GSG1L: variants seen among roughly 807,000 people sequenced by gnomAD.
GSG1L encodes the protein germ cell-specific gene 1-like protein.
In GSG1L, 24 loss-of-function variants were observed where a neutral mutation model predicts 42.1. That is an observed-to-expected ratio of 0.57 (90% CI 0.41 to 0.80). The LOEUF (loss-of-function observed/expected upper bound fraction) is 0.80. Ranked by LOEUF, GSG1L falls within the 30% of genes least tolerant of loss-of-function variation. GSG1L has a pLI of 0.00. For synonymous variants in GSG1L, 215 were observed against 203.5 expected (o/e 1.06, Z -0.48); for missense variants, 445 against 472.2 (o/e 0.94, Z 0.53).
intron 2 of GSG1L, among the ~76,000 whole-genome samples, chr16:27,895,846 G>A (rs118016237): frequency 0.019 from 2,901 of 152,298 alleles, 31 homozygotes; most frequent in Middle Eastern, 0.031. Context: ...TGGGCAAAAA[G>A]GTAGGGCAAC....
At chr16:27,965,045 G>C (rs879714288) in intron 1 of GSG1L, among the ~76,000 whole-genome samples, 2 of 152,082 alleles carry the variant, frequency 1.3e-5, no homozygotes, top group Admixed American at 1.3e-4. Context: ...TTGAGACAAA[G>C]TCTCACTCTG....
Position 27,831,995 on chromosome 16 carries a change from T to C in GSG1L, c.663-3039A>G, listed in dbSNP as rs572391432. ...CAGCTGGTCCCTTCTCACCTGTGAA[T>C]GTCACCCCTTCCTCAGTGGGCATTT... On this transcript the variant is annotated intron_variant, in intron 4 of 6. Coordinates refer to ENST00000447459, the MANE Select transcript of GSG1L (RefSeq NM_001109763.2). Among the ~76,000 whole-genome samples, 5 of 152,176 alleles carry C rather than the reference T, an allele frequency of 3.3e-5. No homozygotes were observed. In the South Asian group the frequency reaches 1.0e-3, roughly 32 times the overall value.
intron 2 of GSG1L, among the ~76,000 whole-genome samples, chr16:27,895,201 C>A (rs1567508922): frequency 6.6e-6 from 1 of 152,086 alleles, no homozygotes; most frequent in Non-Finnish European, 1.5e-5. Flanking sequence ...AAATAGGAGG[C>A]TTCACATTAA....
chr16:27,860,056 T>G (rs8058942), intron 3 of GSG1L, among the ~76,000 whole-genome samples: 1 of 152,094 alleles, frequency 6.6e-6, no homozygotes, highest in African/African-American at 2.4e-5. Flanking sequence ...GGCTCAGAGC[T>G]GGGTTTAGGA....
intron 5 of GSG1L, among the ~76,000 whole-genome samples, chr16:27,817,345 T>A (rs1283313572): frequency 6.6e-6 from 1 of 152,182 alleles, no homozygotes; most frequent in African/African-American, 2.4e-5. Flanking sequence ...ATCTGTGCCA[T>A]CCTCAAGGCC....
chr16:27,884,628 C>G lies in GSG1L; in HGVS notation c.408G>C (p.Trp136Cys). ...ACAGCACCTCGGAGACCACAGACAG[C>G]CACAGGACCCCTGTCCAACAGAGGC... ...LAPASEKGVLWLSVVSEVLYI... is the reference protein window; with the variant it reads ...LAPASEKGVLCLSVVSEVLYI... Residue 136 changes from tryptophan (W) to cysteine (C), a missense_variant, in exon 3 of 7, where the codon TGG (tryptophan) becomes TGC (cysteine). By Grantham distance (215) the Trp-to-Cys change is radical. Transcript: ENST00000447459. This position sits in a 1 kb window ranked among gnomAD's most constrained non-coding sequence, Gnocchi z 4.4. 6.3e-7 allele frequency: 1 copy of G among 1,584,764 alleles called. No individual in the cohort carries two copies. The highest frequency in any genetic ancestry group is 8.6e-7 in the Non-Finnish European group (1 of 1,165,292).
At chr16:27,997,525 T>C (rs2085530324) in intron 1 of GSG1L, among the ~76,000 whole-genome samples, 1 of 151,844 alleles carries the variant, frequency 6.6e-6, no homozygotes, top group Non-Finnish European at 1.5e-5. Context: ...CCCATTTGGA[T>C]ACTCCAGGAT....
rs192779482 is a variant in GSG1L, at chr16:27,924,313, A to C, written c.397+38843T>G. ...TGTGTACTTCATATAATGTATATGCATACGTGTATGTATGTGTGTGTACAC... is the reference window on the plus strand; with the variant it reads ...TGTGTACTTCATATAATGTATATGCCTACGTGTATGTATGTGTGTGTACAC... On this transcript the variant is annotated intron_variant, in intron 2 of 6. Coordinates refer to ENST00000447459, the MANE Select transcript of GSG1L (RefSeq NM_001109763.2). Among the ~76,000 whole-genome samples the C allele has an allele frequency of 1.0e-4, 14 of 135,700 alleles. No homozygotes were observed. In the East Asian group the frequency reaches 3.0e-3, roughly 29 times the overall value. 89.0% of individuals were successfully genotyped at this position (135,700 alleles called of 152,430 possible). A position where few individuals can be genotyped will look rare whatever the true frequency, so the allele number is the denominator to read the frequency against.
chr16:27,941,538 G>T, intron 2 of GSG1L, among the ~76,000 whole-genome samples: 1 of 137,250 alleles, frequency 7.3e-6, no homozygotes, highest in Non-Finnish European at 1.5e-5. Flanking sequence ...TCGGCATGGT[G>T]GCAGGTGCCT....
intron 1 of GSG1L, among the ~76,000 whole-genome samples, chr16:28,051,339 T>C (rs143630278): frequency 1.2e-3 from 187 of 152,262 alleles, no homozygotes; most frequent in Admixed American, 4.4e-3. Context: ...TGCCGGTGAC[T>C]AGGGGATGGT....
chr16:28,046,270 C>G (rs2086156687), intron 1 of GSG1L, among the ~76,000 whole-genome samples: 1 of 151,656 alleles, frequency 6.6e-6, no homozygotes, highest in African/African-American at 2.4e-5. Context: ...TACACATCCG[C>G]AGGCCGTTAG....
chr16:28,057,646 C>T (rs1179263571), intron 1 of GSG1L, among the ~76,000 whole-genome samples: 2 of 151,758 alleles, frequency 1.3e-5, no homozygotes, highest in African/African-American at 4.9e-5. Flanking sequence ...GCACGGGCCA[C>T]CTGTCTGCAG....
intron 1 of GSG1L, among the ~76,000 whole-genome samples, chr16:27,974,968 G>T (rs564094803): frequency 1.3e-5 from 2 of 152,228 alleles, no homozygotes; most frequent in East Asian, 3.9e-4. Flanking sequence ...GAAGGGGCAG[G>T]GGAGGGAAAG....
intron 2 of GSG1L, among the ~76,000 whole-genome samples, chr16:27,925,945 G>A (rs1231308837): frequency 6.6e-6 from 1 of 152,216 alleles, no homozygotes; most frequent in Non-Finnish European, 1.5e-5. Context: ...ATGCATTTAT[G>A]CCAACATCAG....
At chr16:27,893,830 G>A (rs868025570) in intron 2 of GSG1L, among the ~76,000 whole-genome samples, 2 of 152,130 alleles carry the variant, frequency 1.3e-5, no homozygotes, top group Non-Finnish European at 2.9e-5. Flanking sequence ...ATGACTCACT[G>A]CAGCCTTGAA....
chr16:28,004,053 G>A (rs527345836), intron 1 of GSG1L, among the ~76,000 whole-genome samples: 121 of 152,330 alleles, frequency 7.9e-4, no homozygotes, highest in African/African-American at 2.9e-3. Context: ...TGGGGCTGCT[G>A]GGCTGACGGC....
intron 2 of GSG1L, among the ~76,000 whole-genome samples, chr16:27,923,909 C>A (rs1445619975): frequency 4.6e-5 from 7 of 151,888 alleles, no homozygotes; most frequent in African/African-American, 1.7e-4. Context: ...AACTCTGGAC[C>A]CTGTGCTCAA....
chr16:27,953,248 C>T (rs541714436), intron 2 of GSG1L, among the ~76,000 whole-genome samples: 9 of 152,290 alleles, frequency 5.9e-5, no homozygotes, highest in African/African-American at 1.7e-4. Flanking sequence ...TGCCACCACA[C>T]TGGGCTAATT....
At chr16:27,851,641 C>T (rs59025495) in intron 3 of GSG1L, among the ~76,000 whole-genome samples, 12,344 of 152,176 alleles carry the variant, frequency 0.081, 519 homozygotes, top group East Asian at 0.092. Flanking sequence ...AGCACAAACA[C>T]GCTGCAGAAA....
Sources: allele counts gnomAD v4.1 joint callset (sites outside exome capture counted in the v4.1 genomes callset), GRCh38; gene constraint gnomAD v4.1.1; non-coding constraint Gnocchi (gnomAD v3.1); transcripts MANE v1.5; gene names NCBI Gene and HGNC (gene_info 2026-07-23, HGNC 2026-07-21).